Variants in PARL observed in about 807,000 individuals in gnomAD.
PARL encodes presenilin associated rhomboid like.
Under a neutral mutation model 51.6 loss-of-function variants are expected in PARL, and 44 were observed. That is an observed-to-expected ratio of 0.85 (90% CI 0.67 to 1.10). The LOEUF is 1.10. Ranked by LOEUF, PARL falls within the 50% of genes least tolerant of loss-of-function variation. The pLI is 0.00. For synonymous variants in PARL, 172 were observed against 164.0 expected, an observed-to-expected ratio of 1.05 and a Z score of -0.37; for missense variants, 441 against 469.5, an observed-to-expected ratio of 0.94 and a Z score of 0.56.
intron 4 of PARL, among the ~76,000 whole-genome samples, chr3:183,847,820 G>C (rs1318361361): frequency 6.6e-6 from 1 of 152,166 alleles, no homozygotes. Context: ...AAATAAGATA[G>C]TACATGCACC....
intron 1 of PARL, chr3:183,883,767 T>A: frequency 1.1e-6 from 1 of 878,924 alleles, no homozygotes; most frequent in Non-Finnish European, 1.4e-6. Flanking sequence ...GTCGGACATA[T>A]AGGTTCTTCC....
At chr3:183,834,886 C>CAAAAAAAAAAAAAA (rs60078452) in intron 7 of PARL, among the ~76,000 whole-genome samples, 3 of 108,624 alleles carry the variant, frequency 2.8e-5, no homozygotes, top group East Asian at 5.3e-4. Flanking sequence ...ACTAAAAATA[C>CAAAAAAAAAAAAAA]AAAAAAAAAA....
chr3:183,882,306 CACATATATACACACAT>C (rs1474189452), intron 1 of PARL, among the ~76,000 whole-genome samples: 8 of 97,856 alleles, frequency 8.2e-5, no homozygotes, highest in Non-Finnish European at 1.5e-4. Context: ...TATATACACA[CACATATATACACACAT>C]ATATACACAT....
At chr3:183,853,828 G>C (rs1730826034) in intron 4 of PARL, among the ~76,000 whole-genome samples, 2 of 152,182 alleles carry the variant, frequency 1.3e-5, no homozygotes. Flanking sequence ...GAAGACTTGA[G>C]CGCTGTTGGC....
intron 1 of PARL, among the ~76,000 whole-genome samples, chr3:183,869,522 T>C (rs367746135): frequency 6.6e-6 from 1 of 152,074 alleles, no homozygotes; most frequent in Admixed American, 6.6e-5. Context: ...CTTATTATTA[T>C]AAGGGATAAT....
chr3:183,876,262 G>C (rs886088821), intron 1 of PARL, among the ~76,000 whole-genome samples: 10 of 152,206 alleles, frequency 6.6e-5, no homozygotes, highest in African/African-American at 2.4e-4. Flanking sequence ...GGCCAGGGTG[G>C]TCTTGAACTC....
intron 5 of PARL, chr3:183,843,228 CTCT>C: frequency 1.0e-6 from 1 of 985,282 alleles, no homozygotes; most frequent in Non-Finnish European, 1.2e-6. Flanking sequence ...CTTAATAAAT[CTCT>C]TTTCTACTTA....
intron 1 of PARL, among the ~76,000 whole-genome samples, chr3:183,874,408 A>G: frequency 7.7e-6 from 1 of 129,820 alleles, no homozygotes; most frequent in African/African-American, 3.0e-5. Flanking sequence ...CATTAGAAAT[A>G]ATCTTTTTTT....
intron 1 of PARL, chr3:183,883,843 C>T (rs1293769402): frequency 4.8e-6 from 1 of 209,792 alleles, no homozygotes; most frequent in African/African-American, 2.3e-5. Flanking sequence ...ACATAAAATC[C>T]ATACAAACTC....
At position 183,833,711 on chromosome 3, in the gene PARL, T is replaced by C. The variant is rs778050696; in HGVS notation, c.930+13A>G. ...CCACTATCCCCAGCACTGCACTTCA[T>C]AAAAATACTTACATTCCCTGCTGTG... On this transcript the variant is annotated intron_variant, in intron 8 of 9. Coordinates refer to ENST00000317096, the MANE Select transcript of PARL (RefSeq NM_018622.7). 1 of 1,575,668 alleles carries C rather than the reference T, an allele frequency of 6.3e-7. No homozygotes were observed. Among genetic ancestry groups the C allele is most frequent in the East Asian group, 2.2e-5 (1 of 44,674 alleles).
intron 4 of PARL, among the ~76,000 whole-genome samples, chr3:183,849,099 T>C (rs541903952): frequency 3.3e-5 from 5 of 152,264 alleles, no homozygotes; most frequent in African/African-American, 4.8e-5. Flanking sequence ...GCTGGAGACT[T>C]CAGAACTCTA....
chr3:183,868,285 G>C (rs1291827129), intron 1 of PARL, among the ~76,000 whole-genome samples: 1 of 152,078 alleles, frequency 6.6e-6, no homozygotes, highest in East Asian at 1.9e-4. Flanking sequence ...TACTACTTTG[G>C]GCTATTACTT....
At chr3:183,852,570 T>C (rs1730675183) in intron 4 of PARL, among the ~76,000 whole-genome samples, 2 of 152,064 alleles carry the variant, frequency 1.3e-5, no homozygotes, top group South Asian at 2.1e-4. Context: ...TGGAAATAGA[T>C]AGTAGTGACG....
chr3:183,866,454 T>C (rs1732483833), intron 3 of PARL, among the ~76,000 whole-genome samples, 171 bp downstream of exon 3: 3 of 152,224 alleles, frequency 2.0e-5, no homozygotes. Context: ...ACAATTCAAA[T>C]ATACCTAGCA....
downstream of PARL, chr3:183,826,785 C>T (rs544384616): frequency 2.7e-5 from 27 of 985,232 alleles, no homozygotes; most frequent in Admixed American, 1.4e-3. Flanking sequence ...GTGGACTGTC[C>T]GCCACGGCCC....
intron 1 of PARL, among the ~76,000 whole-genome samples, chr3:183,871,119 G>T (rs1733140430): frequency 6.6e-6 from 1 of 151,964 alleles, no homozygotes; most frequent in Non-Finnish European, 1.5e-5. Context: ...ATAAAAAAGG[G>T]ATCAAAAAAT....
intron 7 of PARL, among the ~76,000 whole-genome samples, chr3:183,836,349 TTG>T (rs1728592699): frequency 1.3e-5 from 2 of 152,298 alleles, no homozygotes; most frequent in East Asian, 3.9e-4. Flanking sequence ...GCTGGTTTTT[TTG>T]TGATTATAAC....
At chr3:183,834,657 C>T (rs542317362) in intron 7 of PARL, among the ~76,000 whole-genome samples, 5 of 152,160 alleles carry the variant, frequency 3.3e-5, no homozygotes, top group African/African-American at 1.2e-4. Flanking sequence ...GATGGTTTCA[C>T]GGGTGTCTAC....
intron 1 of PARL, chr3:183,879,695 T>C (rs1734215216): frequency 1.0e-6 from 1 of 970,236 alleles, no homozygotes; most frequent in African/African-American, 1.8e-5. Flanking sequence ...TTTCTCTTTT[T>C]AATGAGCTTT....
Sources: allele counts gnomAD v4.1 joint callset (sites outside exome capture counted in the v4.1 genomes callset), GRCh38; gene constraint gnomAD v4.1.1; transcripts MANE v1.5; gene names NCBI Gene and HGNC (gene_info 2026-07-23, HGNC 2026-07-21).